Variants in SVIL observed in about 807,000 individuals in gnomAD.
SVIL encodes the protein supervillin, also known as archvillin.
Under a neutral mutation model 240.4 loss-of-function variants are expected in SVIL, and 101 were observed. The ratio of observed to expected loss-of-function variants is 0.42; its 90% CI spans 0.36 to 0.50. SVIL has a LOEUF of 0.50. Ranked by LOEUF, SVIL falls within the 20% of genes least tolerant of loss-of-function variation. The probability of loss-of-function intolerance (pLI) is 0.01; values close to 1 mark genes in which losing one functional copy is unlikely to be tolerated. For missense variants in SVIL, 2,512 were observed against 2,818.7 expected, an observed-to-expected ratio of 0.89 and a Z score of 2.46; for synonymous variants, 999 against 1,100.0, an observed-to-expected ratio of 0.91 and a Z score of 1.82.
At position 29,557,350 on chromosome 10, in the gene SVIL, G is replaced by A. The variant is rs1269113790; in HGVS notation, c.-50-2242C>T. Among the ~76,000 whole-genome samples the A allele has an allele frequency of 2.0e-5, 3 of 152,016 alleles. 1 individual carries two copies. The highest frequency in any genetic ancestry group is 4.1e-4 in the South Asian group (2 of 4,822). The stretch of plus-strand genomic sequence containing the variant: ...TAGGCTCAAGGGATCTGCTTGCCTT[G>A]GCCTCCCAAAGTGCTGGGATTGCAG... On this transcript the variant is annotated intron_variant, in intron 3 of 37. Transcript: ENST00000355867.
At chr10:29,494,779 G>A (rs899501043) in intron 20 of SVIL, 135 bp downstream of exon 20, 41 of 818,472 alleles carry the variant, frequency 5.0e-5, no homozygotes, top group South Asian at 1.8e-4. Flanking sequence ...AATTTAGTAC[G>A]TTATCAAGTG....
chr10:29,530,727 C>T (rs1951300168), intron 10 of SVIL, 59 bp from the exon 11 acceptor site: 1 of 1,597,388 alleles, frequency 6.3e-7, no homozygotes, highest in Admixed American at 1.7e-5. Context: ...GTTCGGTCTC[C>T]AAAAAGTCTT....
At chr10:29,550,428 T>G in intron 6 of SVIL, among the ~76,000 whole-genome samples, 169 bp downstream of exon 6, 2 of 144,302 alleles carry the variant, frequency 1.4e-5, no homozygotes, top group African/African-American at 5.2e-5. Flanking sequence ...GGCAACAGAG[T>G]GGGACCCTGT....
intron 32 of SVIL, chr10:29,468,945 C>T (rs997159639): frequency 1.3e-5 from 2 of 152,162 alleles, no homozygotes; most frequent in Non-Finnish European, 2.9e-5. Flanking sequence ...AGGACAGAGA[C>T]TTGGGCTTAT....
In SVIL at chr10:29,468,530, T is replaced by C. The variant is rs372943818; in HGVS notation, c.5844-655A>G. Among the ~76,000 whole-genome samples the C allele has an allele frequency of 1.2e-4, 18 of 152,182 alleles. No homozygotes were observed. The South Asian group carries it at 3.7e-3, about 32-fold the overall frequency. On this transcript the variant is annotated intron_variant, in intron 32 of 37. Transcript: ENST00000355867. ...AATTGCTAGACTGTTTTCCAAGTAA[T>C]GTGTAAGGGTTCCAATTTTCACATC...
chr10:29,697,177 C>G (rs1241548203), intron 1 of SVIL, among the ~76,000 whole-genome samples: 1 of 82,374 alleles, frequency 1.2e-5, no homozygotes, highest in Non-Finnish European at 2.5e-5. Context: ...CCAGCCGCCC[C>G]GTCCGGGAGG....
At chr10:29,547,855 G>A (rs12354631) in intron 6 of SVIL, among the ~76,000 whole-genome samples, 63,531 of 151,932 alleles carry the variant, frequency 0.42, 13,357 homozygotes, top group East Asian at 0.44. Flanking sequence ...ATATATCTCT[G>A]ATATTCTTTT....
At chr10:29,625,383 T>G (rs746484413) in intron 1 of SVIL, among the ~76,000 whole-genome samples, 21 of 152,322 alleles carry the variant, frequency 1.4e-4, no homozygotes, top group Middle Eastern at 3.4e-3. Context: ...AATGTTATGA[T>G]AGCAGAGAAA....
intron 3 of SVIL, among the ~76,000 whole-genome samples, chr10:29,645,723 C>T (rs1047405096): frequency 1.3e-5 from 2 of 152,182 alleles, no homozygotes; most frequent in Non-Finnish European, 2.9e-5. Context: ...CATAGAGACT[C>T]AGGCCAAAGC....
chr10:29,641,086 G>T (rs866162159), intron 3 of SVIL, among the ~76,000 whole-genome samples: 3 of 151,840 alleles, frequency 2.0e-5, no homozygotes, highest in African/African-American at 2.4e-5. Flanking sequence ...CCAGATCCTG[G>T]CCCATATGGC....
intron 18 of SVIL, among the ~76,000 whole-genome samples, chr10:29,498,716 C>G (rs373524311): frequency 2.6e-5 from 4 of 152,084 alleles, no homozygotes; most frequent in African/African-American, 7.2e-5. Flanking sequence ...CATGGTGTCT[C>G]AAGCCTGTAG....
intron 18 of SVIL, chr10:29,496,348 G>C (rs1157885255): frequency 8.9e-6 from 4 of 451,598 alleles, no homozygotes; most frequent in Non-Finnish European, 1.8e-5. Flanking sequence ...CTTGAAAGAT[G>C]ATAAATAAAA....
At chr10:29,465,525 G>GT (rs1944806323) in intron 34 of SVIL, 70 bp downstream of exon 34, 2 of 1,526,218 alleles carry the variant, frequency 1.3e-6, no homozygotes, top group South Asian at 2.6e-5. Flanking sequence ...AAATACCAAC[G>GT]TAAAATCAAA....
At chr10:29,699,954 C>T (rs985915434) in intron 1 of SVIL, among the ~76,000 whole-genome samples, 2 of 152,210 alleles carry the variant, frequency 1.3e-5, no homozygotes, top group Admixed American at 6.5e-5. Context: ...ATTTGAAAAG[C>T]TTACTCTACA....
intron 1 of SVIL, among the ~76,000 whole-genome samples, chr10:29,592,842 A>G (rs1956442060): frequency 6.6e-6 from 1 of 152,212 alleles, no homozygotes; most frequent in African/African-American, 2.4e-5. Flanking sequence ...GGCCTAGATT[A>G]AAGTTCATTC....
Position 29,524,636 on chromosome 10 carries a change from G to T in SVIL, c.2422C>A (p.Pro808Thr). The change falls in exon 14 of 38, where the codon CCT becomes ACT. Residue 808 changes from proline to threonine, a missense_variant. This residue lies in a region of SVIL where 1,443 missense variants were observed against 1,486.6 expected (regional missense o/e 0.97). Transcript: ENST00000355867. ...GCCAAGCTTAGAGTGGAGGAATCAG[G>T]TTCTCCTTGCTCAGCAAGCTCTTTG... ...EGKELAEQGE[P>T]DSSTLSLAEK... The T allele has an allele frequency of 6.2e-7, 1 of 1,614,166 alleles. No homozygotes were observed. The highest frequency in any genetic ancestry group is 8.5e-7 in the Non-Finnish European group (1 of 1,180,034).
chr10:29,520,787 G>A (rs10400103), intron 16 of SVIL, among the ~76,000 whole-genome samples: 1 of 151,258 alleles, frequency 6.6e-6, no homozygotes, highest in South Asian at 2.1e-4. Context: ...ATGGTGGTAC[G>A]TGTCTGCAGT....
chr10:29,735,433 T>G lies in SVIL; in HGVS notation c.-400+318A>C, dbSNP rs1011689451. Reference sequence around the variant, plus strand: ...CCCGAAACTCCGCGGAGAGAAACCCTGCCCCGGCCCGCTCCTCCCCGAGGC... The same window carrying G: ...CCCGAAACTCCGCGGAGAGAAACCCGGCCCCGGCCCGCTCCTCCCCGAGGC... On this transcript the variant is annotated intron_variant, in intron 1 of 35. Coordinates refer to the SVIL transcript ENST00000375400. This position sits in a 1 kb window ranked among gnomAD's most constrained non-coding sequence, Gnocchi z 4.1. Among the ~76,000 whole-genome samples, 2 of 151,628 alleles carry G rather than the reference T, an allele frequency of 1.3e-5. No individual in the cohort carries two copies. Among genetic ancestry groups the G allele is most frequent in the South Asian group, 4.2e-4 (2 of 4,808 alleles).
chr10:29,512,888 A>G, intron 16 of SVIL, 27 bp from the exon 17 acceptor site: 1 of 1,606,198 alleles, frequency 6.2e-7, no homozygotes, highest in South Asian at 1.1e-5. Flanking sequence ...CCCGCCACAA[A>G]GAGTTCAGCA....
Sources: gnomAD v4.1 joint callset for allele counts (sites outside exome capture counted in the v4.1 genomes callset) on GRCh38, gnomAD v4.1.1 for gene constraint, gnomAD v4.1.1 regional missense constraint, Gnocchi (gnomAD v3.1) non-coding constraint, MANE v1.5 for transcripts, NCBI Gene and HGNC (gene_info 2026-07-23, HGNC 2026-07-21) for gene names.